CPQ: variants seen among roughly 807,000 people sequenced by gnomAD.
CPQ encodes carboxypeptidase Q, also known as Ser-Met dipeptidase.
Under a neutral mutation model 45.7 loss-of-function variants are expected in CPQ, and 37 were observed. The ratio of observed to expected loss-of-function variants is 0.81; its 90% CI spans 0.62 to 1.07. The LOEUF (loss-of-function observed/expected upper bound fraction) is 1.07. Among genes scored for constraint, CPQ ranks in the 50% least tolerant of loss-of-function variants. The pLI is 0.00. For synonymous variants in CPQ, 186 were observed against 205.8 expected (o/e 0.90, Z 0.82); for missense variants, 537 against 572.9 (o/e 0.94, Z 0.64).
At chr8:96,818,870 A>C (rs1302799803) in intron 2 of CPQ, among the ~76,000 whole-genome samples, 2 of 151,940 alleles carry the variant, frequency 1.3e-5, no homozygotes, top group Non-Finnish European at 2.9e-5. Context: ...CCTTTTTCTA[A>C]TTGCACTCCT....
intron 5 of CPQ, among the ~76,000 whole-genome samples, chr8:97,029,170 C>G (rs1809851095): frequency 6.6e-6 from 1 of 152,092 alleles, no homozygotes; most frequent in South Asian, 2.1e-4. Flanking sequence ...CACTTTCTGG[C>G]CTGCAAACTG....
Position 97,122,712 on chromosome 8 carries a change from G to A in CPQ, c.1256-20308G>A, listed in dbSNP as rs111262556. Among the ~76,000 whole-genome samples the A allele has an allele frequency of 1.1e-4, 17 of 151,078 alleles. 1 individual carries two copies. The highest frequency in any genetic ancestry group is 3.4e-3 in the Middle Eastern group (1 of 294). On this transcript the variant is annotated intron_variant, in intron 7 of 7. Coordinates refer to ENST00000220763, the MANE Select transcript of CPQ (RefSeq NM_016134.4). ...ACAGGCTGACCAACAAGCTGAAATC[G>A]CATCTCTACTAAAGATACATAAATT... is the stretch of plus-strand genomic sequence containing the variant.
Position 96,707,663 on chromosome 8 carries a change from TAATGAATG to T in CPQ, c.-35+62283_-35+62290del, listed in dbSNP as rs200941319. Among the ~76,000 whole-genome samples, 644 of 152,018 alleles carry T rather than the reference TAATGAATG, an allele frequency of 4.2e-3. 27 individuals carry two copies. The East Asian group carries it at 0.084, about 20-fold the overall frequency. ...TGGCTTAAACAACACAATTTCATTT[TAATGAATG>T]AATGAATGAATGAATGAATGATTTT... On this transcript the variant is annotated intron_variant, in intron 1 of 7. Coordinates refer to ENST00000220763, the MANE Select transcript of CPQ (RefSeq NM_016134.4).
intron 3 of CPQ, among the ~76,000 whole-genome samples, chr8:96,850,147 A>C (rs1811751497): frequency 6.6e-6 from 1 of 152,154 alleles, no homozygotes. Context: ...GCTACGTAAT[A>C]GTGGTTTTTT....
intron 7 of CPQ, among the ~76,000 whole-genome samples, chr8:97,136,241 C>G (rs1301266718): frequency 7.2e-5 from 11 of 152,126 alleles, no homozygotes; most frequent in African/African-American, 2.4e-4. Flanking sequence ...TAATCCAAAC[C>G]AGGGTCAAGG....
chr8:96,875,594 G>T lies in CPQ; in HGVS notation c.642-4204G>T, dbSNP rs112160431. On this transcript the variant is annotated intron_variant, in intron 3 of 7. Transcript: ENST00000220763. ...CTGTCTGGGTATCTTTGTTGAAAAT[G>T]AATTGGCCATTCCTAGAAGGGTTTA... Among the ~76,000 whole-genome samples the T allele has an allele frequency of 5.5e-3, 838 of 151,976 alleles. 12 individuals carry two copies. The highest frequency in any genetic ancestry group is 0.019 in the African/African-American group (805 of 41,522).
chr8:96,838,100 T>C (rs533646243), intron 3 of CPQ, among the ~76,000 whole-genome samples: 4 of 152,204 alleles, frequency 2.6e-5, no homozygotes, highest in Non-Finnish European at 5.9e-5. Context: ...CTCCCTGATA[T>C]CCACTTGTAG....
intron 1 of CPQ, among the ~76,000 whole-genome samples, chr8:96,697,022 A>G (rs1268011526): frequency 6.6e-6 from 1 of 152,158 alleles, no homozygotes; most frequent in African/African-American, 2.4e-5. Flanking sequence ...CTTCTATGAG[A>G]CCAATATTAC....
chr8:96,933,041 G>A (rs1270531461), intron 4 of CPQ, among the ~76,000 whole-genome samples: 1 of 152,150 alleles, frequency 6.6e-6, no homozygotes, highest in African/African-American at 2.4e-5. Flanking sequence ...GATGATGTTT[G>A]TCAACTCTTT....
At chr8:96,687,992 GA>G (rs1472895342) in intron 1 of CPQ, among the ~76,000 whole-genome samples, 1 of 151,758 alleles carries the variant, frequency 6.6e-6, no homozygotes, top group Non-Finnish European at 1.5e-5. Context: ...TCCATATTCT[GA>G]AAAAAATTTT....
At chr8:97,118,136 G>A (rs1811626513) in intron 7 of CPQ, among the ~76,000 whole-genome samples, 1 of 152,096 alleles carries the variant, frequency 6.6e-6, no homozygotes, top group African/African-American at 2.4e-5. Context: ...TAGTATTGAG[G>A]TACCTTTTGG....
intron 6 of CPQ, among the ~76,000 whole-genome samples, chr8:97,031,489 T>C (rs1809907421): frequency 6.6e-6 from 1 of 152,200 alleles, no homozygotes; most frequent in African/African-American, 2.4e-5. Context: ...CCCTCTTTTA[T>C]TCTCAGTAAT....
rs182033146 is a variant in CPQ at position 96,965,244 on chromosome 8, C to T, written c.850-691C>T. On this transcript the variant is annotated intron_variant, in intron 4 of 7. Transcript: ENST00000220763. ...AAATCAATTCAACACATGTTTATTACGTTTCTTCTAGAATTTGGGACAGTT... is the reference window on the plus strand; with the variant it reads ...AAATCAATTCAACACATGTTTATTATGTTTCTTCTAGAATTTGGGACAGTT... Among the ~76,000 whole-genome samples, 225 of 151,918 alleles carry T rather than the reference C, an allele frequency of 1.5e-3. 1 individual carries two copies. The highest frequency in any genetic ancestry group is 5.1e-3 in the African/African-American group (210 of 41,460).
At chr8:96,713,495 G>A (rs1809639643) in intron 1 of CPQ, among the ~76,000 whole-genome samples, 1 of 152,182 alleles carries the variant, frequency 6.6e-6, no homozygotes, top group South Asian at 2.1e-4. Context: ...CTGACAGTAA[G>A]CAAACACATC....
intron 2 of CPQ, among the ~76,000 whole-genome samples, chr8:96,821,340 G>A (rs1273136886): frequency 2.6e-5 from 4 of 151,360 alleles, no homozygotes; most frequent in African/African-American, 9.7e-5. Context: ...TGCTTTTCAG[G>A]TCTTAAACAA....
At chr8:96,763,646 TGGGACTAC>T (rs1810433371) in intron 1 of CPQ, among the ~76,000 whole-genome samples, 1 of 152,068 alleles carries the variant, frequency 6.6e-6, no homozygotes, top group South Asian at 2.1e-4. Context: ...AGAGCTGATA[TGGGACTAC>T]TCATATCCAG....
chr8:97,025,813 A>ATAAGT (rs1809789746), intron 5 of CPQ, among the ~76,000 whole-genome samples: 1 of 152,248 alleles, frequency 6.6e-6, no homozygotes, highest in Non-Finnish European at 1.5e-5. Context: ...AAGATACACA[A>ATAAGT]TAAGTTCTAT....
At chr8:97,042,985 G>A (rs1810158998) in intron 6 of CPQ, among the ~76,000 whole-genome samples, 1 of 151,606 alleles carries the variant, frequency 6.6e-6, no homozygotes, top group African/African-American at 2.4e-5. Flanking sequence ...GGAGAGTTCT[G>A]TAGATGTCTA....
chr8:96,776,798 G>A (rs946270371), intron 1 of CPQ, among the ~76,000 whole-genome samples: 1 of 152,038 alleles, frequency 6.6e-6, no homozygotes, highest in Admixed American at 6.6e-5. Flanking sequence ...TATATGAAAA[G>A]CAAATCTTTT....
Sources: allele counts gnomAD v4.1 joint callset (sites outside exome capture counted in the v4.1 genomes callset), GRCh38; gene constraint gnomAD v4.1.1; transcripts MANE v1.5; gene names NCBI Gene and HGNC (gene_info 2026-07-23, HGNC 2026-07-21).